The following TMEM117 variants were observed in gnomAD, a reference collection of about 807,000 sequenced individuals.
TMEM117 encodes the protein transmembrane protein 117.
TMEM117 carries 27 observed loss-of-function variants against 52.4 expected under a neutral mutation model. The ratio of observed to expected loss-of-function variants is 0.51; its 90% CI spans 0.38 to 0.71. The LOEUF (loss-of-function observed/expected upper bound fraction) is 0.71. Ranked by LOEUF, TMEM117 falls within the 30% of genes least tolerant of loss-of-function variation. The probability of loss-of-function intolerance (pLI) is 0.00; values close to 1 mark genes in which losing one functional copy is unlikely to be tolerated. For missense variants in TMEM117, 556 were observed against 630.5 expected (o/e 0.88, Z 1.26); for synonymous variants, 215 against 206.3 (o/e 1.04, Z -0.36).
intron 2 of TMEM117, among the ~76,000 whole-genome samples, chr12:43,886,056 A>C (rs1675757): frequency 0.99 from 150,729 of 152,308 alleles, 74,612 homozygotes; most frequent in East Asian, 1. Context: ...ATCATATTAT[A>C]TATCCCATAT....
chr12:44,246,716 A>G (rs1324444650), intron 5 of TMEM117, among the ~76,000 whole-genome samples: 2 of 152,222 alleles, frequency 1.3e-5, no homozygotes, highest in South Asian at 2.1e-4. Flanking sequence ...ACACCCTGCA[A>G]GCTTACTAAT....
chr12:44,291,463 C>T (rs1950705253), intron 5 of TMEM117, among the ~76,000 whole-genome samples: 2 of 127,898 alleles, frequency 1.6e-5, no homozygotes, highest in Non-Finnish European at 3.3e-5. Context: ...AGTTTTTCTT[C>T]CTTTCTGATT....
chr12:43,943,170 C>G (rs146418336), intron 2 of TMEM117, among the ~76,000 whole-genome samples: 1,441 of 78,116 alleles, frequency 0.018, 11 homozygotes, highest in Middle Eastern at 0.061. Context: ...GAGCAAGACT[C>G]TGTCTCAAAA....
chr12:44,377,933 C>A (rs966120567), intron 7 of TMEM117, among the ~76,000 whole-genome samples: 1 of 152,200 alleles, frequency 6.6e-6, no homozygotes, highest in African/African-American at 2.4e-5. Context: ...CAGCAGGTTT[C>A]TTTTCCTATT....
rs376532310 is a variant in TMEM117, at chr12:44,374,268, A to G, written c.769-2327A>G. 3.3e-5 allele frequency among the ~76,000 whole-genome samples: 5 copies of G among 152,172 alleles called. No homozygotes were observed. The East Asian group carries it at 9.6e-4, about 29-fold the overall frequency. On this transcript the variant is annotated intron_variant, in intron 6 of 7. Transcript: ENST00000266534. Reference sequence around the variant, plus strand: ...TCAGAGTAGTAGAGAGAGAGAATGGAGGCAAGGCTTTAAGAGATTAAGTAA... The same window carrying G: ...TCAGAGTAGTAGAGAGAGAGAATGGGGGCAAGGCTTTAAGAGATTAAGTAA...
rs879062626 is a variant in TMEM117 at position 43,844,736 on chromosome 12, ATAT to A, written c.87_89del (p.Phe30del). On this transcript the variant is annotated inframe_deletion, in exon 2 of 8. Coordinates refer to ENST00000266534, the MANE Select transcript of TMEM117 (RefSeq NM_032256.3). ...CTTGGTGATCTTCTTTAACTTCTTAATATTTGCGGAGGACCCAGTTTCTCATAG... is the reference window on the plus strand; with the variant it reads ...CTTGGTGATCTTCTTTAACTTCTTAATTGCGGAGGACCCAGTTTCTCATAG... 5 of 1,614,088 alleles carry A rather than the reference ATAT, an allele frequency of 3.1e-6. No homozygotes were observed. In the South Asian group the frequency reaches 5.5e-5, roughly 18 times the overall value.
intron 3 of TMEM117, among the ~76,000 whole-genome samples, chr12:44,018,424 A>T (rs1337404296): frequency 1.3e-5 from 2 of 152,248 alleles, no homozygotes; most frequent in East Asian, 3.8e-4. Flanking sequence ...CAATAAAAAC[A>T]TGTAAAATCT....
chr12:44,098,628 C>T (rs1274195527), intron 3 of TMEM117, among the ~76,000 whole-genome samples: 1 of 152,000 alleles, frequency 6.6e-6, no homozygotes, highest in East Asian at 1.9e-4. Flanking sequence ...GGCTAAACCC[C>T]TTCTTAGACT....
At chr12:43,839,421 G>A (rs1325956094) in intron 1 of TMEM117, among the ~76,000 whole-genome samples, 2 of 151,960 alleles carry the variant, frequency 1.3e-5, no homozygotes, top group African/African-American at 4.8e-5. Flanking sequence ...CAGTCATACT[G>A]CCCTCCTTAA....
intron 6 of TMEM117, among the ~76,000 whole-genome samples, chr12:44,300,844 A>G (rs1475083603): frequency 6.6e-6 from 1 of 152,222 alleles, no homozygotes; most frequent in Non-Finnish European, 1.5e-5. Context: ...AAAACTTTCC[A>G]ATCTGACTTT....
chr12:44,361,302 G>A (rs904680367), intron 6 of TMEM117, among the ~76,000 whole-genome samples: 2 of 152,124 alleles, frequency 1.3e-5, no homozygotes, highest in Non-Finnish European at 2.9e-5. Flanking sequence ...TGGTCACCAA[G>A]AAAATGGAAG....
At chr12:44,107,862 A>G (rs1455342013) in intron 3 of TMEM117, among the ~76,000 whole-genome samples, 1 of 152,196 alleles carries the variant, frequency 6.6e-6, no homozygotes, top group Non-Finnish European at 1.5e-5. Flanking sequence ...GAAAAGTAGT[A>G]TGCAGTCATT....
intron 4 of TMEM117, among the ~76,000 whole-genome samples, chr12:44,201,980 CAT>C (rs1273446048): frequency 1.3e-5 from 2 of 151,766 alleles, no homozygotes; most frequent in Non-Finnish European, 2.9e-5. Flanking sequence ...TGTGATATAT[CAT>C]GTGATATCTT....
chr12:44,207,768 A>G (rs1382363000), intron 4 of TMEM117, among the ~76,000 whole-genome samples: 4 of 151,918 alleles, frequency 2.6e-5, no homozygotes, highest in African/African-American at 9.7e-5. Context: ...TAATAAGAAA[A>G]CAAGGTGCAG....
chr12:43,809,616 CA>C, the TMEM117 span, among the ~76,000 whole-genome samples: 1 of 152,088 alleles, frequency 6.6e-6, no homozygotes, highest in African/African-American at 2.4e-5. Context: ...ATTGAATTTC[CA>C]AACCTCAAAA....
intron 4 of TMEM117, among the ~76,000 whole-genome samples, chr12:44,184,103 T>G (rs546442390): frequency 2.0e-5 from 3 of 152,220 alleles, no homozygotes; most frequent in Non-Finnish European, 4.4e-5. Context: ...CCCAGCACTT[T>G]GGGAGGCTGA....
intron 5 of TMEM117, among the ~76,000 whole-genome samples, chr12:44,224,510 T>C (rs1028740859): frequency 6.6e-6 from 1 of 151,962 alleles, no homozygotes; most frequent in South Asian, 2.1e-4. Flanking sequence ...TTTGTCTTCT[T>C]CTTCTCCTTC....
In TMEM117 at chr12:44,157,433, C is replaced by T. The variant is rs529470482; in HGVS notation, c.510+13809C>T. ...CATACATTAGAACATCTTAAAATAT[C>T]GTTCTCAATTTGGATTTTCTGAATG... On this transcript the variant is annotated intron_variant, in intron 4 of 7. Transcript: ENST00000266534. 8.9e-4 allele frequency among the ~76,000 whole-genome samples: 135 copies of T among 152,150 alleles called. 1 individual carries two copies. Among genetic ancestry groups the T allele is most frequent in the African/African-American group, 2.8e-3 (117 of 41,538 alleles).
intron 4 of TMEM117, among the ~76,000 whole-genome samples, chr12:44,191,874 T>C (rs1261457987): frequency 6.6e-6 from 1 of 152,100 alleles, no homozygotes; most frequent in East Asian, 1.9e-4. Flanking sequence ...ACATTCAATG[T>C]GTGCTGGTCA....
Sources: gnomAD v4.1 joint callset for allele counts (sites outside exome capture counted in the v4.1 genomes callset) on GRCh38, gnomAD v4.1.1 for gene constraint, MANE v1.5 for transcripts, NCBI Gene and HGNC (gene_info 2026-07-23, HGNC 2026-07-21) for gene names.